Variants in RALGAPA1 observed in about 807,000 individuals in gnomAD.
The protein encoded by RALGAPA1 is Ral GTPase activating protein catalytic subunit alpha 1.
RALGAPA1 carries 52 observed loss-of-function variants against 269.6 expected under a neutral mutation model. The observed-to-expected ratio is 0.19, with a 90% CI of 0.15 to 0.24. The LOEUF is 0.24. Ranked by LOEUF, RALGAPA1 falls within the 10% of genes least tolerant of loss-of-function variation. RALGAPA1 has a pLI of 1.00. For missense variants in RALGAPA1, 1,917 were observed against 3,013.9 expected (o/e 0.64, Z 8.52); for synonymous variants, 817 against 1,008.3 (o/e 0.81, Z 3.60).
At chr14:35,781,732 A>T (rs1341733072) in intron 1 of RALGAPA1, among the ~76,000 whole-genome samples, 1 of 152,138 alleles carries the variant, frequency 6.6e-6, no homozygotes, top group African/African-American at 2.4e-5. Context: ...CAAAACTCAC[A>T]TGATAGTTTC....
At chr14:35,542,491 T>A (rs1020118592) in intron 41 of RALGAPA1, 2 of 154,070 alleles carry the variant, frequency 1.3e-5, no homozygotes, top group African/African-American at 4.8e-5. Context: ...GGATTTTTAG[T>A]GTGTGTGGTG....
chr14:35,673,695 C>T (rs559994318), intron 24 of RALGAPA1, among the ~76,000 whole-genome samples: 72 of 152,284 alleles, frequency 4.7e-4, no homozygotes, highest in African/African-American at 1.7e-3. Flanking sequence ...ATTCTCCTGC[C>T]TCAGCCTCTC....
chr14:35,621,267 A>G (rs2060606158), intron 35 of RALGAPA1, among the ~76,000 whole-genome samples: 1 of 152,232 alleles, frequency 6.6e-6, no homozygotes, highest in Non-Finnish European at 1.5e-5. Context: ...AGGGGAAAGG[A>G]TTCCCTATTT....
At chr14:35,703,188 C>G (rs532456242) in intron 16 of RALGAPA1, among the ~76,000 whole-genome samples, 6 of 152,096 alleles carry the variant, frequency 3.9e-5, no homozygotes, top group African/African-American at 1.4e-4. Flanking sequence ...AAATGTACCC[C>G]TTGGCTGGTG....
intron 33 of RALGAPA1, among the ~76,000 whole-genome samples, chr14:35,629,976 T>TA (rs201545517): frequency 0.041 from 6,199 of 150,592 alleles, 357 homozygotes; most frequent in African/African-American, 0.12. Context: ...AACCTAACTT[T>TA]AAAAAAAAAG....
intron 23 of RALGAPA1, 57 bp downstream of exon 23, chr14:35,674,459 T>C: frequency 6.8e-7 from 1 of 1,474,594 alleles, no homozygotes; most frequent in Non-Finnish European, 9.2e-7. Flanking sequence ...TAAGGCTTCT[T>C]CTATTTTTAA....
chr14:35,661,633 T>TA (rs2063542596), intron 27 of RALGAPA1, among the ~76,000 whole-genome samples: 1 of 152,144 alleles, frequency 6.6e-6, no homozygotes. Context: ...TTCATTGGTT[T>TA]AAAAAATCAT....
At chr14:35,615,991 TAGAC>T (rs1310455388) in intron 35 of RALGAPA1, among the ~76,000 whole-genome samples, 7 of 152,224 alleles carry the variant, frequency 4.6e-5, no homozygotes, top group Non-Finnish European at 8.8e-5. Flanking sequence ...ACAGAGTACT[TAGAC>T]AGTTGTTAAA....
intron 35 of RALGAPA1, among the ~76,000 whole-genome samples, chr14:35,612,739 CAT>C (rs2060031481): frequency 6.6e-6 from 1 of 151,994 alleles, no homozygotes; most frequent in Non-Finnish European, 1.5e-5. Flanking sequence ...GGGGTTTCAC[CAT>C]GTTAGCCAGG....
At chr14:35,734,841 A>T (rs1247208974) in intron 12 of RALGAPA1, among the ~76,000 whole-genome samples, 3 of 152,184 alleles carry the variant, frequency 2.0e-5, no homozygotes, top group Non-Finnish European at 4.4e-5. Context: ...AATGAATTCA[A>T]ATAAATCAGT....
At chr14:35,626,000 C>T (rs2060969067) in intron 34 of RALGAPA1, among the ~76,000 whole-genome samples, 1 of 152,094 alleles carries the variant, frequency 6.6e-6, no homozygotes, top group South Asian at 2.1e-4. Context: ...CAAGGGACAA[C>T]ATACGGACCA....
At chr14:35,747,611 G>C (rs1488269999) in intron 10 of RALGAPA1, among the ~76,000 whole-genome samples, 1 of 152,174 alleles carries the variant, frequency 6.6e-6, no homozygotes, top group Non-Finnish European at 1.5e-5. Flanking sequence ...GAGCTCCCTG[G>C]AATGTGAATG....
chr14:35,606,546 T>C (rs369766681), intron 35 of RALGAPA1, among the ~76,000 whole-genome samples: 1 of 152,328 alleles, frequency 6.6e-6, no homozygotes. Context: ...TATGGAGTAA[T>C]AGCCAAGTTC....
At chr14:35,560,139 C>T (rs1386475873) in intron 39 of RALGAPA1, among the ~76,000 whole-genome samples, 21 of 152,200 alleles carry the variant, frequency 1.4e-4, no homozygotes, top group Admixed American at 1.3e-3. Context: ...GTAATTGTTT[C>T]GCTAGTCAAC....
intron 22 of RALGAPA1, among the ~76,000 whole-genome samples, chr14:35,675,171 A>C (rs143306198): frequency 2.2e-4 from 34 of 152,230 alleles, no homozygotes; most frequent in Middle Eastern, 3.4e-3. Flanking sequence ...AGTTAGCATA[A>C]TGGCATGAAA....
chr14:35,577,541 T>C (rs1330621249), intron 37 of RALGAPA1, among the ~76,000 whole-genome samples: 1 of 152,210 alleles, frequency 6.6e-6, no homozygotes, highest in Non-Finnish European at 1.5e-5. Flanking sequence ...CCCCCAGAAC[T>C]GTGAGAAATA....
At chr14:35,643,954 T>C (rs2062204759) in intron 31 of RALGAPA1, among the ~76,000 whole-genome samples, 1 of 152,140 alleles carries the variant, frequency 6.6e-6, no homozygotes, top group South Asian at 2.1e-4. Context: ...AAAGAATGAA[T>C]AAAATATAAT....
rs79479237 is a variant in RALGAPA1 at position 35,713,443 on chromosome 14, A to T, written c.2266+8245T>A. Among the ~76,000 whole-genome samples the T allele has an allele frequency of 1.1e-3, 166 of 152,284 alleles. 2 individuals are homozygous for T. The highest frequency in any genetic ancestry group is 3.7e-3 in the African/African-American group (152 of 41,570). ...TGACTTTACATTAATAAAGCTACCC[A>T]CTTCAGGTTCCATTAGTGTCTTCTT... On this transcript the variant is annotated intron_variant, in intron 16 of 41. Transcript: ENST00000680220.
intron 17 of RALGAPA1, among the ~76,000 whole-genome samples, chr14:35,694,047 A>G (rs996826606): frequency 6.6e-5 from 10 of 152,036 alleles, no homozygotes; most frequent in African/African-American, 1.7e-4. Flanking sequence ...GACCTGTCAC[A>G]TAAGTATGGG....
Sources: allele counts gnomAD v4.1 joint callset (sites outside exome capture counted in the v4.1 genomes callset), GRCh38; gene constraint gnomAD v4.1.1; transcripts MANE v1.5; gene names NCBI Gene and HGNC (gene_info 2026-07-23, HGNC 2026-07-21).